Variants in KYNU observed in about 807,000 individuals in gnomAD.
The protein encoded by KYNU is L-kynurenine hydrolase.
Under a neutral mutation model 59.2 loss-of-function variants are expected in KYNU, and 54 were observed. The observed-to-expected ratio is 0.91, with a 90% confidence interval of 0.73 to 1.14. KYNU has a LOEUF of 1.14. KYNU is among the 50% of genes most tolerant of loss of function. KYNU has a pLI of 0.00. For missense variants in KYNU, 567 were observed against 554.4 expected (o/e 1.02, Z -0.23); for synonymous variants, 177 against 192.0 (o/e 0.92, Z 0.65).
Position 143,029,626 on chromosome 2 carries a change from G to T in KYNU, c.903-1G>T, listed in dbSNP as rs1398372594. 2 of 1,594,406 alleles carry T rather than the reference G, an allele frequency of 1.3e-6. No homozygotes were observed. Among genetic ancestry groups the T allele is most frequent in the Non-Finnish European group, 1.7e-6 (2 of 1,162,084 alleles). ...ACCTAATGTTTTTATTTATATTTTA[G>T]ATTAGTGGGATGGTTTGGCCATGAA... On this transcript the variant is annotated splice_acceptor_variant, in intron 10 of 13. Coordinates refer to ENST00000264170, the MANE Select transcript of KYNU (RefSeq NM_003937.3). LOFTEE classifies it high-confidence loss of function.
intron 2 of KYNU, among the ~76,000 whole-genome samples, chr2:142,896,615 T>C (rs1428207227): frequency 2.6e-5 from 4 of 152,104 alleles, no homozygotes. Flanking sequence ...GGTACAATCA[T>C]AGCTCACTGC....
chr2:142,956,173 T>C (rs1249236754), intron 5 of KYNU, 30 bp from the exon 6 acceptor site: 3 of 1,203,664 alleles, frequency 2.5e-6, no homozygotes, highest in Non-Finnish European at 3.7e-6. Context: ...TGTGTATTAA[T>C]GCTTTCTCAA....
At chr2:142,947,512 C>A in intron 4 of KYNU, 1 of 236,014 alleles carries the variant, frequency 4.2e-6, no homozygotes, top group East Asian at 8.5e-5. Flanking sequence ...TGCTCATTAC[C>A]TTGATCCCTT....
At chr2:142,909,171 T>TTG (rs386391392) in intron 2 of KYNU, among the ~76,000 whole-genome samples, 2 of 151,930 alleles carry the variant, frequency 1.3e-5, no homozygotes, top group Admixed American at 6.6e-5. Context: ...GTTTTTTTTT[T>TTG]TGTGGAAGTC....
intron 8 of KYNU, among the ~76,000 whole-genome samples, chr2:142,974,573 A>G (rs1451213877): frequency 2.6e-5 from 4 of 152,244 alleles, no homozygotes; most frequent in Admixed American, 6.5e-5. Flanking sequence ...ACTAGAGGGC[A>G]TAACAATGGT....
chr2:142,999,058 G>A (rs1685633139), intron 10 of KYNU, among the ~76,000 whole-genome samples: 1 of 145,382 alleles, frequency 6.9e-6, no homozygotes, highest in Non-Finnish European at 1.5e-5. Flanking sequence ...TGCCATCTTA[G>A]CCTATTCTAG....
chr2:142,985,126 G>T lies in KYNU; in HGVS notation c.772G>T (p.Val258Phe), dbSNP rs772019551. The T allele has an allele frequency of 6.2e-7, 1 of 1,611,714 alleles. No homozygotes were observed. Among genetic ancestry groups the T allele is most frequent in the East Asian group, 2.2e-5 (1 of 44,806 alleles). The change falls in exon 9 of 14, where the codon GTT becomes TTT. Residue 258 changes from valine to phenylalanine, a missense_variant. Physicochemically the swap from Val to Phe is conservative, Grantham distance 50. Coordinates refer to ENST00000264170, the MANE Select transcript of KYNU (RefSeq NM_003937.3). ...GFDLAHAVGN[V>F]ELYLHDWGVD... ...TGATCTAGCACATGCAGTTGGAAAT[G>T]TTGAACTCTACTTACATGACTGGGG...
chr2:142,959,116 CACAT>C (rs1464970745), intron 7 of KYNU, among the ~76,000 whole-genome samples: 1 of 152,090 alleles, frequency 6.6e-6, no homozygotes, highest in African/African-American at 2.4e-5. Context: ...CACACCCACA[CACAT>C]ACACACTCAC....
Position 142,960,771 on chromosome 2 carries a change from G to T in KYNU, c.729+1G>T. 1 of 1,613,750 alleles carries T rather than the reference G, an allele frequency of 6.2e-7. No homozygotes were observed. Among genetic ancestry groups the T allele is most frequent in the Non-Finnish European group, 8.5e-7 (1 of 1,179,932 alleles). ...CATCACAAAAGCTGGACAAGCGAAG[G>T]TATGCACGCCATTTACTTCTTCCCA... On this transcript the variant is annotated splice_donor_variant, in intron 8 of 13. Transcript: ENST00000264170. LOFTEE classifies it high-confidence loss of function.
intron 7 of KYNU, 93 bp from the exon 8 acceptor site, chr2:142,960,531 G>T: frequency 3.4e-6 from 4 of 1,165,754 alleles, no homozygotes; most frequent in East Asian, 2.4e-5. Flanking sequence ...ATTTTATAAT[G>T]CAAAAGGGCT....
intron 8 of KYNU, among the ~76,000 whole-genome samples, chr2:142,962,295 T>C (rs1330303369): frequency 6.6e-6 from 1 of 152,190 alleles, no homozygotes; most frequent in African/African-American, 2.4e-5. Flanking sequence ...TGTTACACAA[T>C]CTTGAGCAAG....
chr2:142,895,321 C>T (rs1163575643), intron 2 of KYNU, among the ~76,000 whole-genome samples: 4 of 152,142 alleles, frequency 2.6e-5, no homozygotes, highest in Non-Finnish European at 5.9e-5. Context: ...CCCTGATAAC[C>T]ACTAATCTAT....
At chr2:142,954,400 T>A (rs1388054551) in intron 4 of KYNU, among the ~76,000 whole-genome samples, 1 of 152,096 alleles carries the variant, frequency 6.6e-6, no homozygotes, top group Non-Finnish European at 1.5e-5. Context: ...TATTTTAATT[T>A]GATGTTAGAA....
intron 3 of KYNU, among the ~76,000 whole-genome samples, chr2:142,926,999 C>A (rs887037179): frequency 2.6e-5 from 4 of 152,150 alleles, no homozygotes; most frequent in Admixed American, 6.5e-5. Context: ...TATTTGCCTT[C>A]TTCATTTCAT....
chr2:142,930,657 C>T (rs780051886), intron 4 of KYNU, among the ~76,000 whole-genome samples: 55 of 152,152 alleles, frequency 3.6e-4, no homozygotes, highest in Non-Finnish European at 6.3e-4. Context: ...GTCTCTCACA[C>T]GTCTTATAAG....
intron 1 of KYNU, among the ~76,000 whole-genome samples, chr2:142,879,253 T>C (rs1484315463): frequency 6.6e-6 from 1 of 152,166 alleles, no homozygotes; most frequent in African/African-American, 2.4e-5. Flanking sequence ...AAAGACTATA[T>C]TTGAGACCAT....
Position 143,033,222 on chromosome 2 carries a change from T to G in KYNU, c.956-14T>G, listed in dbSNP as rs181682574. 6.4e-7 allele frequency: 1 copy of G among 1,558,688 alleles called. No homozygotes were observed. Among genetic ancestry groups the G allele is most frequent in the East Asian group, 2.2e-5 (1 of 44,594 alleles). ...GTTACCTTCTATGATAATGACATGATATTAATTTCTCAGAACTGCAGTTAA... is the reference window on the plus strand; with the variant it reads ...GTTACCTTCTATGATAATGACATGAGATTAATTTCTCAGAACTGCAGTTAA... On this transcript the variant is annotated splice_polypyrimidine_tract_variant and intron_variant, in intron 11 of 13. Transcript: ENST00000264170.
At chr2:142,979,535 C>T (rs1246294993) in intron 8 of KYNU, among the ~76,000 whole-genome samples, 5 of 151,978 alleles carry the variant, frequency 3.3e-5, no homozygotes, top group Admixed American at 2.0e-4. Context: ...TCTGAGCTTG[C>T]TAGGCAAATG....
intron 2 of KYNU, among the ~76,000 whole-genome samples, chr2:142,908,853 C>T (rs1682386518): frequency 6.6e-6 from 1 of 152,158 alleles, no homozygotes; most frequent in Non-Finnish European, 1.5e-5. Flanking sequence ...CCAGGATGGT[C>T]TTGATCTCCT....
Sources: gnomAD v4.1 joint callset for allele counts (sites outside exome capture counted in the v4.1 genomes callset) on GRCh38, gnomAD v4.1.1 for gene constraint, MANE v1.5 for transcripts, NCBI Gene and HGNC (gene_info 2026-07-23, HGNC 2026-07-21) for gene names.